The following CHSY3 variants were observed in gnomAD, a reference collection of about 807,000 sequenced individuals.
CHSY3 encodes N-acetylgalactosaminyl-proteoglycan 3-beta-glucuronosyltransferase 3.
A neutral mutation model predicts 67.2 loss-of-function variants in CHSY3; 35 were observed. That is an observed-to-expected ratio of 0.52 (90% confidence interval 0.40 to 0.69). The LOEUF is 0.69. Among genes scored for constraint, CHSY3 ranks in the 30% least tolerant of loss-of-function variants. The pLI is 0.00. For synonymous variants in CHSY3, 474 were observed against 434.7 expected, an observed-to-expected ratio of 1.09 and a Z score of -1.12; for missense variants, 1,069 against 1,138.5, an observed-to-expected ratio of 0.94 and a Z score of 0.88.
intron 2 of CHSY3, among the ~76,000 whole-genome samples, chr5:130,129,958 T>A (rs772763442): frequency 2.0e-5 from 3 of 152,104 alleles, no homozygotes; most frequent in Non-Finnish European, 4.4e-5. Flanking sequence ...AAAATGAAAT[T>A]TGCTTTTGAT....
intron 2 of CHSY3, among the ~76,000 whole-genome samples, chr5:130,155,057 A>G (rs987531028): frequency 2.0e-5 from 3 of 152,212 alleles, no homozygotes; most frequent in Non-Finnish European, 4.4e-5. Context: ...GGAATTTGGT[A>G]TTGGTTAAGT....
At chr5:130,137,313 A>G (rs1768697605) in intron 2 of CHSY3, among the ~76,000 whole-genome samples, 1 of 152,158 alleles carries the variant, frequency 6.6e-6, no homozygotes, top group Admixed American at 6.5e-5. Flanking sequence ...CACACAGAAC[A>G]TGTTCACTTT....
rs114388580 is a variant in CHSY3 at position 130,017,709 on chromosome 5, A to G, written c.1086+109349A>G. 6.4e-3 allele frequency among the ~76,000 whole-genome samples: 982 copies of G among 152,260 alleles called. 16 individuals carry two copies. Among genetic ancestry groups the G allele is most frequent in the African/African-American group, 0.022 (925 of 41,564 alleles). On this transcript the variant is annotated intron_variant, in intron 2 of 2. Coordinates refer to ENST00000305031, the MANE Select transcript of CHSY3 (RefSeq NM_175856.5). Reference sequence around the variant, plus strand: ...GACCAGTTGAATATTAACATACTGAAGTAAAATTTTTTAAATGTCCTACTA... The same window carrying G: ...GACCAGTTGAATATTAACATACTGAGGTAAAATTTTTTAAATGTCCTACTA...
intron 2 of CHSY3, among the ~76,000 whole-genome samples, chr5:129,967,379 A>G (rs1561477370): frequency 1.3e-5 from 2 of 151,890 alleles, no homozygotes; most frequent in Non-Finnish European, 2.9e-5. Flanking sequence ...GTGTATATAT[A>G]TGCTTATCTT....
At chr5:129,915,848 A>G (rs1760714556) in intron 2 of CHSY3, among the ~76,000 whole-genome samples, 1 of 152,190 alleles carries the variant, frequency 6.6e-6, no homozygotes, top group Non-Finnish European at 1.5e-5. Context: ...CTGGCATGAA[A>G]GAGAACTCTA....
At chr5:130,012,617 T>C (rs141296997) in intron 2 of CHSY3, among the ~76,000 whole-genome samples, 11 of 152,242 alleles carry the variant, frequency 7.2e-5, no homozygotes, top group African/African-American at 2.4e-4. Flanking sequence ...CAGATGCTTA[T>C]AATCCATCCA....
intron 2 of CHSY3, among the ~76,000 whole-genome samples, chr5:130,009,599 C>T (rs578137247): frequency 6.6e-6 from 1 of 151,922 alleles, no homozygotes; most frequent in Non-Finnish European, 1.5e-5. Context: ...CAAGTCTAAA[C>T]AACCAGCTAA....
intron 2 of CHSY3, among the ~76,000 whole-genome samples, chr5:130,052,794 TA>T (rs1262559765): frequency 6.6e-6 from 1 of 152,178 alleles, no homozygotes; most frequent in African/African-American, 2.4e-5. Context: ...TTTCTGCCTC[TA>T]TTTTACAAAT....
Position 130,009,952 on chromosome 5 carries a change from T to C in CHSY3, c.1086+101592T>C, listed in dbSNP as rs569473011. Among the ~76,000 whole-genome samples the C allele has an allele frequency of 7.9e-5, 12 of 152,298 alleles. No homozygotes were observed. The South Asian group carries it at 2.3e-3, about 29-fold the overall frequency. On this transcript the variant is annotated intron_variant, in intron 2 of 2. Coordinates refer to ENST00000305031, the MANE Select transcript of CHSY3 (RefSeq NM_175856.5). ...AGAAGACTTACCTATCCTAAATATATGTACACCCAACACTGGAGCACCCAG... is the reference window on the plus strand; with the variant it reads ...AGAAGACTTACCTATCCTAAATATACGTACACCCAACACTGGAGCACCCAG...
At chr5:130,061,512 A>C (rs773991120) in intron 2 of CHSY3, among the ~76,000 whole-genome samples, 3 of 152,174 alleles carry the variant, frequency 2.0e-5, no homozygotes, top group Non-Finnish European at 4.4e-5. Context: ...ATTTATGATG[A>C]AGACCCTAAA....
At position 130,011,731 on chromosome 5, in the gene CHSY3, A is replaced by G. The variant is rs114177770; in HGVS notation, c.1086+103371A>G. ...TTAGAAAATGCCATGGTCTCTGCCC[A>G]AAGGCTCCTAGATCTGATAAACAAC... On this transcript the variant is annotated intron_variant, in intron 2 of 2. Transcript: ENST00000305031. Among the ~76,000 whole-genome samples the G allele has an allele frequency of 5.6e-3, 854 of 152,366 alleles. 10 individuals carry two copies. Among genetic ancestry groups the G allele is most frequent in the African/African-American group, 0.019 (801 of 41,590 alleles).
intron 2 of CHSY3, among the ~76,000 whole-genome samples, chr5:130,117,627 C>A (rs1254358916): frequency 6.6e-6 from 1 of 152,078 alleles, no homozygotes; most frequent in Non-Finnish European, 1.5e-5. Flanking sequence ...TTCATATTTT[C>A]AGTGTGACTA....
At chr5:130,019,087 C>A (rs1431524323) in intron 2 of CHSY3, among the ~76,000 whole-genome samples, 1 of 152,056 alleles carries the variant, frequency 6.6e-6, no homozygotes, top group Admixed American at 6.6e-5. Context: ...TATTAACTAC[C>A]CAGTCTCAGG....
At chr5:130,042,282 T>G (rs1765027492) in intron 2 of CHSY3, among the ~76,000 whole-genome samples, 1 of 152,090 alleles carries the variant, frequency 6.6e-6, no homozygotes, top group African/African-American at 2.4e-5. Flanking sequence ...CATTGCTACC[T>G]TCTAGCTTTT....
chr5:129,948,055 G>A (rs1053517123), intron 2 of CHSY3, among the ~76,000 whole-genome samples: 15 of 152,130 alleles, frequency 9.9e-5, no homozygotes, highest in Admixed American at 6.5e-4. Flanking sequence ...CAATTCTATA[G>A]GTTGCCTTTT....
intron 2 of CHSY3, among the ~76,000 whole-genome samples, chr5:130,132,232 T>A (rs59495207): frequency 0.054 from 8,201 of 152,214 alleles, 626 homozygotes; most frequent in African/African-American, 0.15. Context: ...GTGAATCAGC[T>A]TTCCACTTTC....
chr5:130,156,102 C>T (rs944191296), intron 2 of CHSY3, among the ~76,000 whole-genome samples: 4 of 152,118 alleles, frequency 2.6e-5, no homozygotes, highest in African/African-American at 4.8e-5. Flanking sequence ...GTATACACTA[C>T]CTGGAGTAAT....
At chr5:129,972,384 T>A (rs1213825015) in intron 2 of CHSY3, among the ~76,000 whole-genome samples, 1 of 152,068 alleles carries the variant, frequency 6.6e-6, no homozygotes, top group Non-Finnish European at 1.5e-5. Flanking sequence ...TGTAGTATTC[T>A]GGGATGCAGT....
intron 2 of CHSY3, among the ~76,000 whole-genome samples, chr5:130,050,904 G>C (rs1765323552): frequency 6.6e-6 from 1 of 152,086 alleles, no homozygotes; most frequent in Non-Finnish European, 1.5e-5. Context: ...CCATCAGTAA[G>C]TTAATGATTG....
Sources: allele counts gnomAD v4.1 joint callset (sites outside exome capture counted in the v4.1 genomes callset), GRCh38; gene constraint gnomAD v4.1.1; transcripts MANE v1.5; gene names NCBI Gene and HGNC (gene_info 2026-07-23, HGNC 2026-07-21).